The following C3orf52 variants were observed in gnomAD, a reference collection of about 807,000 sequenced individuals.
The protein encoded by C3orf52 is chromosome 3 open reading frame 52, also known as TPA-induced transmembrane protein.
C3orf52 carries 22 observed loss-of-function variants against 24.8 expected under a neutral mutation model. That is an observed-to-expected ratio of 0.89 (90% CI 0.63 to 1.27). The LOEUF (loss-of-function observed/expected upper bound fraction) is 1.27, where lower values mean the gene tolerates loss of function less well. Ranked by LOEUF, C3orf52 falls within the 50% of genes most tolerant of loss-of-function variation. The pLI is 0.00. For missense variants in C3orf52, 265 were observed against 260.7 expected (o/e 1.02, Z -0.11); for synonymous variants, 93 against 100.2 (o/e 0.93, Z 0.43).
At chr3:112,113,639 G>A (rs2074108066) in intron 5 of C3orf52, among the ~76,000 whole-genome samples, 1 of 151,616 alleles carries the variant, frequency 6.6e-6, no homozygotes, top group Non-Finnish European at 1.5e-5. Flanking sequence ...TTAATAGAGG[G>A]GTATACAAAG....
intron 1 of C3orf52, among the ~76,000 whole-genome samples, chr3:112,090,088 T>A (rs1370642203): frequency 6.6e-6 from 1 of 152,106 alleles, no homozygotes; most frequent in East Asian, 1.9e-4. Context: ...GTCTTCATGA[T>A]CCAGTTTTGA....
downstream of C3orf52, chr3:112,132,709 A>G (rs1378560043): frequency 3.1e-6 from 3 of 980,204 alleles, no homozygotes; most frequent in Admixed American, 1.2e-4. Flanking sequence ...CAAACTTAAA[A>G]TAGTGGCTGA....
chr3:112,130,416 G>A (rs372190440), downstream of C3orf52: 2 of 1,585,484 alleles, frequency 1.3e-6, no homozygotes, highest in Non-Finnish European at 1.7e-6. Flanking sequence ...GGCAAGGTCT[G>A]GGGGGTGTTT....
At chr3:112,111,875 A>C (rs1047539093) in intron 4 of C3orf52, 5 of 152,192 alleles carry the variant, frequency 3.3e-5, no homozygotes, top group Non-Finnish European at 5.9e-5. Context: ...ACTCTCCATT[A>C]TTCATTTGAT....
At chr3:112,119,932 C>T (rs2074172115), downstream of C3orf52, among the ~76,000 whole-genome samples, 1 of 152,210 alleles carries the variant, frequency 6.6e-6, no homozygotes, top group Non-Finnish European at 1.5e-5. Context: ...AGGGCAACCA[C>T]ATACTATGAA....
intron 4 of C3orf52, among the ~76,000 whole-genome samples, chr3:112,127,424 CAAACAAAT>C (rs1559984846): frequency 6.6e-6 from 1 of 152,028 alleles, no homozygotes; most frequent in Non-Finnish European, 1.5e-5. Context: ...CCAAAACAAA[CAAACAAAT>C]AAACACACTC....
Position 112,102,984 on chromosome 3 carries a change from T to G in C3orf52, c.396+19T>G. 1 of 1,609,828 alleles carries G rather than the reference T, an allele frequency of 6.2e-7. No individual in the cohort carries two copies. The highest frequency in any genetic ancestry group is 8.5e-7 in the Non-Finnish European group (1 of 1,177,672). On this transcript the variant is annotated intron_variant, in intron 3 of 5. Transcript: ENST00000264848. Reference sequence around the variant, plus strand: ...CGAAAGGGTAATTCCATCTTATATATTGCCTAAGGAGTTCTTGACATTAGA... The same window carrying G: ...CGAAAGGGTAATTCCATCTTATATAGTGCCTAAGGAGTTCTTGACATTAGA...
At chr3:112,126,906 G>T in intron 4 of C3orf52, 1 of 953,326 alleles carries the variant, frequency 1.0e-6, no homozygotes, top group Non-Finnish European at 1.7e-6. Flanking sequence ...ATGCCTAAGG[G>T]GCTTTGGGAA....
intron 2 of C3orf52, among the ~76,000 whole-genome samples, chr3:112,096,165 G>A (rs1019050292): frequency 1.3e-5 from 2 of 152,190 alleles, no homozygotes; most frequent in Admixed American, 6.5e-5. Context: ...AGGCGGAAGT[G>A]TTAACTTTTG....
chr3:112,124,428 G>A (rs2074264385), intron 4 of C3orf52, among the ~76,000 whole-genome samples: 2 of 152,084 alleles, frequency 1.3e-5, no homozygotes, highest in Admixed American at 6.5e-5. Flanking sequence ...GGCCAACATG[G>A]TGAAACCCCA....
At chr3:112,092,110 T>C (rs1007561333) in intron 1 of C3orf52, among the ~76,000 whole-genome samples, 1 of 152,034 alleles carries the variant, frequency 6.6e-6, no homozygotes, top group Non-Finnish European at 1.5e-5. Context: ...CTTTGTGGGA[T>C]GGTGAACGCT....
chr3:112,133,908 C>G (rs1274462612), downstream of C3orf52: 1 of 152,162 alleles, frequency 6.6e-6, no homozygotes, highest in Non-Finnish European at 1.5e-5. Context: ...GCCTTGAAAC[C>G]GAAGCCCTAA....
At chr3:112,101,095 TATAAC>T (rs1307197114) in intron 2 of C3orf52, among the ~76,000 whole-genome samples, 6 of 152,190 alleles carry the variant, frequency 3.9e-5, no homozygotes, top group African/African-American at 1.4e-4. Context: ...TGTCATGACT[TATAAC>T]AATTAAGGAC....
At chr3:112,127,861 TGGAA>T (rs2074364646) in intron 4 of C3orf52, among the ~76,000 whole-genome samples, 1 of 152,194 alleles carries the variant, frequency 6.6e-6, no homozygotes, top group Admixed American at 6.5e-5. Context: ...CTCATCAAAT[TGGAA>T]GGATTGCTTC....
rs537410058 is a variant in C3orf52 at position 112,116,766 on chromosome 3, A to G, written c.*120A>G. The stretch of plus-strand genomic sequence containing the variant: ...TTAATACAGAAGCACCAGCAACACC[A>G]GAGGGGTGGAGACTCCTTTCTCTCC... On this transcript the variant is annotated 3_prime_UTR_variant, in exon 6 of 6. Transcript: ENST00000264848. The G allele has an allele frequency of 6.5e-7, 1 of 1,546,984 alleles. No homozygotes were observed. Among genetic ancestry groups the G allele is most frequent in the African/African-American group, 1.4e-5 (1 of 73,198 alleles).
chr3:112,119,501 G>A, downstream of C3orf52: 1 of 702,942 alleles, frequency 1.4e-6, no homozygotes, highest in South Asian at 1.5e-5. Flanking sequence ...CTGAAGCACT[G>A]GTGGGATTTG....
chr3:112,130,566 ACTT>A, downstream of C3orf52: 1 of 1,485,456 alleles, frequency 6.7e-7, no homozygotes, highest in Non-Finnish European at 9.4e-7. Context: ...CAGGCCTGTC[ACTT>A]CTTTTCATAA....
Position 112,117,524 on chromosome 3 carries a change from C to T in C3orf52, c.*878C>T, listed in dbSNP as rs916305165. On this transcript the variant is annotated 3_prime_UTR_variant, in exon 6 of 6. Coordinates refer to ENST00000264848, the MANE Select transcript of C3orf52 (RefSeq NM_024616.3). ...CTCCATTTATATTTTTATAAACTTC[C>T]ATTAGAGAATCATTAAGGCTGTTTA... The T allele has an allele frequency of 2.0e-5, 3 of 152,488 alleles. No individual in the cohort carries two copies. The highest frequency in any genetic ancestry group is 4.8e-5 in the African/African-American group (2 of 41,424). The allele number at this position is 152,488 out of a possible 1,614,324, so 9.4% of individuals were successfully genotyped here. A position where few individuals can be genotyped will look rare whatever the true frequency, so the allele number is the denominator to read the frequency against.
chr3:112,096,627 TG>T (rs1197320731), intron 2 of C3orf52, among the ~76,000 whole-genome samples: 3 of 152,116 alleles, frequency 2.0e-5, no homozygotes, highest in Non-Finnish European at 4.4e-5. Flanking sequence ...ACTGTGCAGT[TG>T]GGGTGGACAT....
Sources: allele counts gnomAD v4.1 joint callset (sites outside exome capture counted in the v4.1 genomes callset), GRCh38; gene constraint gnomAD v4.1.1; transcripts MANE v1.5; gene names NCBI Gene and HGNC (gene_info 2026-07-23, HGNC 2026-07-21).